Variants in CDH13 observed in about 807,000 individuals in gnomAD.
CDH13 encodes the protein cadherin 13.
Under a neutral mutation model 63.8 loss-of-function variants are expected in CDH13, and 24 were observed. That is an observed-to-expected ratio of 0.38 (90% CI 0.27 to 0.53). CDH13 has a LOEUF of 0.53. CDH13 is among the 20% of genes least tolerant of loss of function. The probability of loss-of-function intolerance (pLI) is 0.85; values close to 1 mark genes in which losing one functional copy is unlikely to be tolerated. For missense variants in CDH13, 1,049 were observed against 903.1 expected (o/e 1.16, Z -2.07); for synonymous variants, 503 against 355.3 (o/e 1.42, Z -4.67).
chr16:83,271,151 A>G (rs981203799), intron 5 of CDH13, among the ~76,000 whole-genome samples: 1 of 151,988 alleles, frequency 6.6e-6, no homozygotes, highest in Non-Finnish European at 1.5e-5. Flanking sequence ...TTGACCACTG[A>G]TACATGTACC....
intron 4 of CDH13, among the ~76,000 whole-genome samples, chr16:83,215,797 T>C (rs2039484295): frequency 6.6e-6 from 1 of 152,170 alleles, no homozygotes; most frequent in Non-Finnish European, 1.5e-5. Flanking sequence ...TGTATCAGCT[T>C]TCTTTTATCT....
chr16:82,881,561 C>T (rs528189505), intron 2 of CDH13, among the ~76,000 whole-genome samples: 12 of 152,258 alleles, frequency 7.9e-5, no homozygotes, highest in Non-Finnish European at 1.8e-4. Context: ...GCCAAGGTAA[C>T]CCATAGAGGA....
chr16:82,815,614 G>C (rs2037666382), intron 1 of CDH13, among the ~76,000 whole-genome samples: 2 of 152,160 alleles, frequency 1.3e-5, no homozygotes, highest in African/African-American at 2.4e-5. Flanking sequence ...TTGAAATTCT[G>C]TATCAAAATG....
intron 1 of CDH13, among the ~76,000 whole-genome samples, chr16:82,822,459 G>A (rs929940107): frequency 1.3e-5 from 2 of 152,164 alleles, no homozygotes; most frequent in Admixed American, 6.5e-5. Context: ...TAAAAGTTAG[G>A]TTAAATCATT....
In CDH13 at chr16:83,559,405, C is replaced by G. The variant is rs190842984; in HGVS notation, c.961-43049C>G. ...TGAGCAACATGGAGAAACCCTGTCTCTACTAAAAATATGAAATTAGCTGGG... is the reference window on the plus strand; with the variant it reads ...TGAGCAACATGGAGAAACCCTGTCTGTACTAAAAATATGAAATTAGCTGGG... On this transcript the variant is annotated intron_variant, in intron 7 of 13. Coordinates refer to ENST00000567109, the MANE Select transcript of CDH13 (RefSeq NM_001257.5). Among the ~76,000 whole-genome samples, 7 of 152,128 alleles carry G rather than the reference C, an allele frequency of 4.6e-5. No individual in the cohort carries two copies. The East Asian group carries it at 1.2e-3, about 25-fold the overall frequency.
intron 10 of CDH13, among the ~76,000 whole-genome samples, chr16:83,692,746 A>T (rs1013620822): frequency 1.3e-5 from 2 of 152,162 alleles, no homozygotes; most frequent in African/African-American, 2.4e-5. Flanking sequence ...GAGCAGCTGC[A>T]TGGGAAATGG....
chr16:82,654,783 G>A (rs2150913864), intron 1 of CDH13, among the ~76,000 whole-genome samples: 1 of 152,038 alleles, frequency 6.6e-6, no homozygotes, highest in South Asian at 2.1e-4. Flanking sequence ...AAGGATGAGG[G>A]CAGCTTCTCA....
At chr16:83,370,138 A>T (rs973072726) in intron 6 of CDH13, among the ~76,000 whole-genome samples, 24 of 152,330 alleles carry the variant, frequency 1.6e-4, no homozygotes, top group African/African-American at 5.3e-4. Flanking sequence ...CTGTAATCCC[A>T]GCACTTTGGA....
At chr16:83,546,144 G>A (rs1180110888) in intron 7 of CDH13, among the ~76,000 whole-genome samples, 2 of 152,166 alleles carry the variant, frequency 1.3e-5, no homozygotes, top group Admixed American at 1.3e-4. Context: ...GTGAGGTGAG[G>A]TTTGGGCTAA....
intron 2 of CDH13, among the ~76,000 whole-genome samples, chr16:83,029,480 G>C (rs193284456): frequency 3.9e-4 from 60 of 152,292 alleles, no homozygotes; most frequent in Admixed American, 1.9e-3. Flanking sequence ...TGATGATTAA[G>C]ATAAAGATAA....
chr16:83,252,096 TA>T (rs1905616810), intron 5 of CDH13, among the ~76,000 whole-genome samples: 3 of 58,696 alleles, frequency 5.1e-5, no homozygotes, highest in South Asian at 9.9e-4. Context: ...TATATATGTA[TA>T]TATATATTAT....
intron 6 of CDH13, among the ~76,000 whole-genome samples, chr16:83,379,202 C>T (rs1229653436): frequency 1.3e-5 from 2 of 152,176 alleles, no homozygotes; most frequent in African/African-American, 2.4e-5. Context: ...TCTGCATCTT[C>T]ACCAAAGTAA....
chr16:83,684,634 C>T (rs886199499), intron 10 of CDH13, among the ~76,000 whole-genome samples: 3 of 152,180 alleles, frequency 2.0e-5, no homozygotes, highest in Admixed American at 6.5e-5. Context: ...TGCCCAGGAT[C>T]TATAGTAAAC....
intron 5 of CDH13, among the ~76,000 whole-genome samples, chr16:83,248,292 A>AG (rs1905162926): frequency 6.6e-6 from 1 of 152,134 alleles, no homozygotes; most frequent in Non-Finnish European, 1.5e-5. Context: ...AAACAGAGGC[A>AG]GGGGGGTACA....
intron 8 of CDH13, among the ~76,000 whole-genome samples, chr16:83,630,438 G>A (rs965223641): frequency 1.3e-5 from 2 of 152,176 alleles, no homozygotes; most frequent in African/African-American, 2.4e-5. Context: ...TGAGATATCA[G>A]TCAATGTGTG....
chr16:83,106,317 A>AGG (rs1567835235), intron 3 of CDH13, among the ~76,000 whole-genome samples: 1 of 152,172 alleles, frequency 6.6e-6, no homozygotes, highest in African/African-American at 2.4e-5. Flanking sequence ...AGGCAAGTGG[A>AGG]TCATGAGGTC....
intron 2 of CDH13, among the ~76,000 whole-genome samples, chr16:82,986,977 A>G (rs1249122311): frequency 6.6e-6 from 1 of 152,190 alleles, no homozygotes; most frequent in Admixed American, 6.5e-5. Context: ...TATCCCATCT[A>G]TTCCATCTTA....
intron 1 of CDH13, among the ~76,000 whole-genome samples, chr16:82,683,466 C>T (rs568815474): frequency 3.9e-5 from 6 of 152,268 alleles, no homozygotes; most frequent in South Asian, 2.1e-4. Flanking sequence ...GAAGGATGGC[C>T]GTATGGTGAG....
chr16:83,324,509 C>T (rs900567653), intron 5 of CDH13, among the ~76,000 whole-genome samples: 1 of 152,194 alleles, frequency 6.6e-6, no homozygotes, highest in African/African-American at 2.4e-5. Flanking sequence ...AACACTTGCC[C>T]TTCCATGAGT....
Sources: gnomAD v4.1 joint callset for allele counts (sites outside exome capture counted in the v4.1 genomes callset) on GRCh38, gnomAD v4.1.1 for gene constraint, MANE v1.5 for transcripts, NCBI Gene and HGNC (gene_info 2026-07-23, HGNC 2026-07-21) for gene names.